ATRNL1: variants seen among roughly 807,000 people sequenced by gnomAD.
The protein encoded by ATRNL1 is attractin-like protein 1.
Under a neutral mutation model 182.7 loss-of-function variants are expected in ATRNL1, and 95 were observed. That is an observed-to-expected ratio of 0.52 (90% CI 0.44 to 0.62). The LOEUF (loss-of-function observed/expected upper bound fraction) is 0.62, where lower values mean the gene tolerates loss of function less well. ATRNL1 is among the 20% of genes least tolerant of loss of function. The pLI is 0.00. For missense variants in ATRNL1, 1,471 were observed against 1,679.5 expected, an observed-to-expected ratio of 0.88 and a Z score of 2.17; for synonymous variants, 576 against 568.3, an observed-to-expected ratio of 1.01 and a Z score of -0.19.
intron 27 of ATRNL1, among the ~76,000 whole-genome samples, chr10:115,753,759 C>G (rs563245447): frequency 3.3e-5 from 5 of 152,266 alleles, no homozygotes; most frequent in Middle Eastern, 3.4e-3. Context: ...ACACTGTCTT[C>G]CACAATGGTT....
chr10:115,153,458 G>A (rs1592177438), intron 5 of ATRNL1, among the ~76,000 whole-genome samples: 1 of 152,114 alleles, frequency 6.6e-6, no homozygotes, highest in Non-Finnish European at 1.5e-5. Flanking sequence ...ATGTGTCCAG[G>A]AATTTATCCA....
chr10:115,389,546 A>ATATGTATATATATATATATG (rs1843878041), intron 19 of ATRNL1, among the ~76,000 whole-genome samples: 1 of 16,394 alleles, frequency 6.1e-5, no homozygotes, highest in African/African-American at 1.9e-4. Flanking sequence ...ATGTGTATAT[A>ATATGTATATATATATATATG]TATATATATA....
chr10:115,153,972 G>A (rs1284648827), intron 5 of ATRNL1, among the ~76,000 whole-genome samples: 2 of 151,420 alleles, frequency 1.3e-5, no homozygotes, highest in Non-Finnish European at 2.9e-5. Flanking sequence ...TATGTACCCA[G>A]TAGTCATTCA....
chr10:115,398,486 G>T (rs1233372825), intron 20 of ATRNL1, among the ~76,000 whole-genome samples: 1 of 151,970 alleles, frequency 6.6e-6, no homozygotes, highest in African/African-American at 2.4e-5. Flanking sequence ...ATGAATGGAA[G>T]TTCTTTCCTG....
chr10:115,214,789 A>G (rs751518389), intron 8 of ATRNL1, among the ~76,000 whole-genome samples: 19 of 152,204 alleles, frequency 1.2e-4, no homozygotes, highest in Non-Finnish European at 2.5e-4. Flanking sequence ...CTTGCATATG[A>G]TTGGTGTTTT....
At chr10:115,191,926 T>G (rs1038676342) in intron 8 of ATRNL1, among the ~76,000 whole-genome samples, 21 of 152,238 alleles carry the variant, frequency 1.4e-4, no homozygotes, top group Admixed American at 1.0e-3. Flanking sequence ...TCAGATCTTT[T>G]GCCCATTTAA....
At chr10:115,394,024 G>A (rs1361435033) in intron 19 of ATRNL1, among the ~76,000 whole-genome samples, 1 of 152,030 alleles carries the variant, frequency 6.6e-6, no homozygotes, top group African/African-American at 2.4e-5. Context: ...AAACTTAAAA[G>A]GGTGAATTTA....
chr10:115,579,189 A>C (rs1036046247), intron 26 of ATRNL1, among the ~76,000 whole-genome samples: 1 of 151,768 alleles, frequency 6.6e-6, no homozygotes, highest in African/African-American at 2.4e-5. Context: ...GTTGAATAGA[A>C]TGTTCTATAT....
At chr10:115,127,762 T>C in intron 4 of ATRNL1, 41 bp downstream of exon 4, 4 of 1,283,566 alleles carry the variant, frequency 3.1e-6, no homozygotes, top group Non-Finnish European at 4.1e-6. Flanking sequence ...ATGATTCTTG[T>C]AATTTAATGT....
At chr10:115,388,070 G>A (rs1843760751) in intron 19 of ATRNL1, among the ~76,000 whole-genome samples, 1 of 152,138 alleles carries the variant, frequency 6.6e-6, no homozygotes, top group African/African-American at 2.4e-5. Context: ...ATGTGTAGTG[G>A]GAAGAAGGCG....
At chr10:115,270,953 A>C (rs1008448020) in intron 13 of ATRNL1, among the ~76,000 whole-genome samples, 1 of 152,146 alleles carries the variant, frequency 6.6e-6, no homozygotes, top group Non-Finnish European at 1.5e-5. Flanking sequence ...TCATAATTCT[A>C]CCTAACATAA....
chr10:115,261,286 C>A (rs1269761453), intron 10 of ATRNL1, among the ~76,000 whole-genome samples: 1 of 152,062 alleles, frequency 6.6e-6, no homozygotes, highest in African/African-American at 2.4e-5. Flanking sequence ...TTTAGAATTG[C>A]AGATTCTCAA....
chr10:115,128,899 G>T (rs1483139875), intron 4 of ATRNL1, among the ~76,000 whole-genome samples: 1 of 151,566 alleles, frequency 6.6e-6, no homozygotes, highest in Admixed American at 6.6e-5. Context: ...CAGTGTATGG[G>T]TGATAGCATG....
chr10:115,221,165 G>A (rs1238792125), intron 9 of ATRNL1, among the ~76,000 whole-genome samples: 1 of 152,178 alleles, frequency 6.6e-6, no homozygotes, highest in South Asian at 2.1e-4. Flanking sequence ...GCAGTAATGC[G>A]AGTGATGGAG....
intron 25 of ATRNL1, among the ~76,000 whole-genome samples, chr10:115,524,758 T>C (rs932495366): frequency 6.6e-6 from 1 of 152,184 alleles, no homozygotes; most frequent in Non-Finnish European, 1.5e-5. Context: ...GGTGGATCCA[T>C]TGACATAGTG....
chr10:115,306,255 G>T (rs1389653811), intron 17 of ATRNL1, among the ~76,000 whole-genome samples: 1 of 152,044 alleles, frequency 6.6e-6, no homozygotes, highest in East Asian at 1.9e-4. Flanking sequence ...GTCTTTGCAT[G>T]TCTAAAAGTG....
chr10:115,148,171 G>C (rs1554879771), intron 5 of ATRNL1, among the ~76,000 whole-genome samples: 2 of 151,920 alleles, frequency 1.3e-5, no homozygotes, highest in Non-Finnish European at 2.9e-5. Flanking sequence ...CCACATGCTT[G>C]GTTAAATATA....
rs76575923 is a variant in ATRNL1 at position 115,792,261 on chromosome 10, C to G, written c.3904-55616C>G. Among the ~76,000 whole-genome samples the G allele has an allele frequency of 1.5e-3, 230 of 152,206 alleles. 2 individuals are homozygous for G. The highest frequency in any genetic ancestry group is 5.3e-3 in the African/African-American group (219 of 41,568). On this transcript the variant is annotated intron_variant, in intron 27 of 28. Coordinates refer to ENST00000355044, the MANE Select transcript of ATRNL1 (RefSeq NM_207303.4). ...CTATTATTCTATTCTACAGAATTTT[C>G]AGTGGAACAATGTCCACCTTTCTTT...
At chr10:115,738,536 C>G (rs1466914816) in intron 27 of ATRNL1, among the ~76,000 whole-genome samples, 2 of 151,980 alleles carry the variant, frequency 1.3e-5, no homozygotes, top group Non-Finnish European at 2.9e-5. Flanking sequence ...AGTTTCCCAG[C>G]TGCATTTTGG....
Sources: gnomAD v4.1 joint callset for allele counts (sites outside exome capture counted in the v4.1 genomes callset) on GRCh38, gnomAD v4.1.1 for gene constraint, MANE v1.5 for transcripts, NCBI Gene and HGNC (gene_info 2026-07-23, HGNC 2026-07-21) for gene names.